The following CACNA1E variants were observed in gnomAD, a reference collection of about 807,000 sequenced individuals.
CACNA1E encodes voltage-dependent R-type calcium channel subunit alpha-1E.
CACNA1E carries 40 observed loss-of-function variants against 259.2 expected under a neutral mutation model. The observed-to-expected ratio is 0.15, with a 90% confidence interval of 0.12 to 0.20. CACNA1E has a LOEUF of 0.20. Ranked by LOEUF, CACNA1E falls within the 10% of genes least tolerant of loss-of-function variation. CACNA1E has a pLI of 1.00. For synonymous variants in CACNA1E, 1,104 were observed against 1,138.5 expected, an observed-to-expected ratio of 0.97 and a Z score of 0.61; for missense variants, 1,874 against 3,040.1, an observed-to-expected ratio of 0.62 and a Z score of 9.02.
At chr1:181,760,616 C>G (rs1658500705) in intron 32 of CACNA1E, among the ~76,000 whole-genome samples, 1 of 152,172 alleles carries the variant, frequency 6.6e-6, no homozygotes, top group South Asian at 2.1e-4. Context: ...CTATTAAGTA[C>G]CAAATGCTTT....
Position 181,391,937 on chromosome 1 carries a change from CTCTCTCTCTGTG to C in CACNA1E, c.-14-21194_-14-21183del, listed in dbSNP as rs1356735805. 4.1e-3 allele frequency among the ~76,000 whole-genome samples: 304 copies of C among 74,934 alleles called. 1 individual carries two copies. The highest frequency in any genetic ancestry group is 0.011 in the African/African-American group (272 of 24,398). 49.2% of individuals were successfully genotyped at this position (74,934 alleles called of 152,430 possible). ...TTTCTCTCTCTCTGTCTCTCTCTCT[CTCTCTCTCTGTG>C]TGTGTGTGTGTGTGTGTGTGTGTGT... On this transcript the variant is annotated intron_variant, in intron 1 of 11. Transcript: ENST00000524607.
At chr1:181,540,613 T>G (rs1185641858) in intron 3 of CACNA1E, among the ~76,000 whole-genome samples, 3 of 152,180 alleles carry the variant, frequency 2.0e-5, no homozygotes, top group Non-Finnish European at 4.4e-5. Context: ...AGAACGCTCA[T>G]GTGAGAGGTG....
chr1:181,755,468 G>C lies in CACNA1E; in HGVS notation c.3989+71G>C. ...CTGATGATCCCACTCCACCACCACA[G>C]GTCCACCCTCCCTCCTTTCTATCTT... On this transcript the variant is annotated intron_variant, in intron 28 of 47. Transcript: ENST00000367573. 2.6e-6 allele frequency: 3 copies of C among 1,166,912 alleles called. No individual in the cohort carries two copies. The Admixed American group carries it at 5.4e-5, about 21-fold the overall frequency. The allele number at this position is 1,166,912 out of a possible 1,614,324, so 72.3% of individuals were successfully genotyped here. A position where few individuals can be genotyped will look rare whatever the true frequency, so the allele number is the denominator to read the frequency against.
At chr1:181,579,703 T>C (rs1651330144) in intron 5 of CACNA1E, among the ~76,000 whole-genome samples, 2 of 152,226 alleles carry the variant, frequency 1.3e-5, no homozygotes, top group Non-Finnish European at 2.9e-5. Flanking sequence ...CCCTTTACTC[T>C]TTGTACAGCA....
intron 3 of CACNA1E, among the ~76,000 whole-genome samples, chr1:181,518,872 T>C (rs932738152): frequency 6.6e-6 from 1 of 152,178 alleles, no homozygotes; most frequent in African/African-American, 2.4e-5. Flanking sequence ...GGGGCCTGAA[T>C]TGGCTTTGAT....
At chr1:181,754,937 A>C (rs1657953259) in intron 27 of CACNA1E, among the ~76,000 whole-genome samples, 1 of 152,230 alleles carries the variant, frequency 6.6e-6, no homozygotes, top group Non-Finnish European at 1.5e-5. Context: ...GAGTACCCGT[A>C]CCAGGATCAC....
chr1:181,772,021 A>G, intron 36 of CACNA1E, 45 bp from the exon 37 acceptor site: 4 of 1,579,682 alleles, frequency 2.5e-6, no homozygotes, highest in Non-Finnish European at 3.5e-6. Context: ...ATATGATAGG[A>G]TCTGCAGAGC....
intron 6 of CACNA1E, among the ~76,000 whole-genome samples, chr1:181,649,533 G>A (rs552048024): frequency 6.6e-6 from 1 of 152,200 alleles, no homozygotes; most frequent in South Asian, 2.1e-4. Flanking sequence ...AAATCATTCG[G>A]TTATAAAAAC....
In CACNA1E at chr1:181,548,188, G is replaced by A. The variant is rs1341406564; in HGVS notation, c.513-29578G>A. On this transcript the variant is annotated intron_variant, in intron 3 of 47. Coordinates refer to ENST00000367573, the MANE Select transcript of CACNA1E (RefSeq NM_001205293.3). Reference sequence around the variant, plus strand: ...CACCCAGGCTGGAGTGCAGTGGTGCGATCTCAGCTCACCGCAACCTCTGCC... The same window carrying A: ...CACCCAGGCTGGAGTGCAGTGGTGCAATCTCAGCTCACCGCAACCTCTGCC... 2.7e-5 allele frequency among the ~76,000 whole-genome samples: 4 copies of A among 148,530 alleles called. No individual in the cohort carries two copies. The South Asian group carries it at 6.4e-4, about 24-fold the overall frequency.
chr1:181,731,020 G>A (rs1572725827), intron 18 of CACNA1E, among the ~76,000 whole-genome samples, 155 bp from the exon 19 acceptor site: 1 of 152,170 alleles, frequency 6.6e-6, no homozygotes, highest in African/African-American at 2.4e-5. Context: ...TTGGAGAATC[G>A]AATGTGGGGA....
chr1:181,579,263 C>G, intron 5 of CACNA1E, 39 bp downstream of exon 5: 1 of 1,562,512 alleles, frequency 6.4e-7, no homozygotes, highest in Non-Finnish European at 8.7e-7. Context: ...TTTCCCTTCT[C>G]CCCTCTGTTA....
At chr1:181,522,456 A>G (rs562956959) in intron 3 of CACNA1E, among the ~76,000 whole-genome samples, 1 of 152,140 alleles carries the variant, frequency 6.6e-6, no homozygotes, top group Non-Finnish European at 1.5e-5. Flanking sequence ...TTGCTATATG[A>G]TTATTATGAT....
At position 181,617,664 on chromosome 1, in the gene CACNA1E, A is replaced by G. The variant is rs1385607386; in HGVS notation, c.952-33674A>G. On this transcript the variant is annotated intron_variant, in intron 6 of 47. Transcript: ENST00000367573. ...AGGGGTGCCACAAGCTTAAGTATAT[A>G]GCATGTTCTTTGCCAACATTCCCAA... Among the ~76,000 whole-genome samples, 5 of 152,200 alleles carry G rather than the reference A, an allele frequency of 3.3e-5. No individual in the cohort carries two copies. In the East Asian group the frequency reaches 7.7e-4, roughly 23 times the overall value.
At chr1:181,416,238 G>A (rs1571814452) in intron 2 of CACNA1E, among the ~76,000 whole-genome samples, 1 of 152,328 alleles carries the variant, frequency 6.6e-6, no homozygotes, top group Non-Finnish European at 1.5e-5. Flanking sequence ...TTCTGCAGAC[G>A]CCAGTAGGCC....
chr1:181,546,429 C>T (rs1381303262), intron 3 of CACNA1E, among the ~76,000 whole-genome samples: 4 of 152,178 alleles, frequency 2.6e-5, no homozygotes, highest in Non-Finnish European at 4.4e-5. Context: ...CCTTGACTTT[C>T]TTCCTCACCC....
chr1:181,537,701 C>T lies in CACNA1E; in HGVS notation c.512+26191C>T, dbSNP rs1668281984. ...GCATGAGGGTGGTAGTGGTGATTCT[C>T]AGTTAATATTTGAAATTGGAGTGTA... On this transcript the variant is annotated intron_variant, in intron 3 of 47. Transcript: ENST00000367573. Among the ~76,000 whole-genome samples the T allele has an allele frequency of 2.0e-5, 3 of 152,128 alleles. No homozygotes were observed. The South Asian group carries it at 6.2e-4, about 32-fold the overall frequency.
chr1:181,724,071 C>CT (rs1654662808), intron 16 of CACNA1E, among the ~76,000 whole-genome samples: 1 of 152,192 alleles, frequency 6.6e-6, no homozygotes, highest in Non-Finnish European at 1.5e-5. Context: ...GACCAGCCCC[C>CT]ATCCAGAAGC....
At chr1:181,672,499 A>C (rs1000320046) in intron 7 of CACNA1E, among the ~76,000 whole-genome samples, 2 of 152,218 alleles carry the variant, frequency 1.3e-5, no homozygotes, top group Non-Finnish European at 2.9e-5. Flanking sequence ...GCTTTTATTG[A>C]TATCTTCACC....
chr1:181,790,734 T>C (rs1661231627), intron 44 of CACNA1E, among the ~76,000 whole-genome samples, 178 bp downstream of exon 44: 1 of 152,228 alleles, frequency 6.6e-6, no homozygotes, highest in Admixed American at 6.5e-5. Flanking sequence ...GCTCTGACAA[T>C]GTTCCCTCTT....
Sources: allele counts gnomAD v4.1 joint callset (sites outside exome capture counted in the v4.1 genomes callset), GRCh38; gene constraint gnomAD v4.1.1; transcripts MANE v1.5; gene names NCBI Gene and HGNC (gene_info 2026-07-23, HGNC 2026-07-21).